The following TMEM131L variants were observed in gnomAD, a reference collection of about 807,000 sequenced individuals.
TMEM131L encodes transmembrane 131 like.
In TMEM131L, 54 loss-of-function variants were observed where a neutral mutation model predicts 192.2. That is an observed-to-expected ratio of 0.28 (90% CI 0.23 to 0.35). TMEM131L has a LOEUF of 0.35. Among genes scored for constraint, TMEM131L ranks in the 10% least tolerant of loss-of-function variants. TMEM131L has a pLI of 1.00. For synonymous variants in TMEM131L, 701 were observed against 704.9 expected, an observed-to-expected ratio of 0.99 and a Z score of 0.09; for missense variants, 1,888 against 1,972.9, an observed-to-expected ratio of 0.96 and a Z score of 0.82.
chr4:153,617,640 G>A (rs1018108239), intron 26 of TMEM131L, among the ~76,000 whole-genome samples: 2 of 152,176 alleles, frequency 1.3e-5, no homozygotes, highest in Non-Finnish European at 2.9e-5. Flanking sequence ...AGAAGTTCTG[G>A]AAATGTAGAG....
rs190249427 is a variant in TMEM131L, at chr4:153,630,666, A to T, written c.4208-2052A>T. ...TTCCATACCAGCCATTTCTAACTGGATAGCTCCTTCCTAGTGATTACTGCC... is the reference window on the plus strand; with the variant it reads ...TTCCATACCAGCCATTTCTAACTGGTTAGCTCCTTCCTAGTGATTACTGCC... On this transcript the variant is annotated intron_variant, in intron 31 of 34. Coordinates refer to ENST00000409959, the MANE Select transcript of TMEM131L (RefSeq NM_001131007.2). Among the ~76,000 whole-genome samples the T allele has an allele frequency of 1.6e-3, 248 of 152,300 alleles. 1 individual carries two copies. Among genetic ancestry groups the T allele is most frequent in the Admixed American group, 4.6e-3 (71 of 15,306 alleles).
chr4:153,466,767 G>T (rs1354069683), intron 1 of TMEM131L, among the ~76,000 whole-genome samples: 1 of 152,162 alleles, frequency 6.6e-6, no homozygotes, highest in Non-Finnish European at 1.5e-5. Flanking sequence ...AGCCGCTCGC[G>T]CCCTGGAGCC....
In TMEM131L at chr4:153,598,659, T is replaced by G; in HGVS notation, c.2193T>G (p.Gly731=). The change falls in exon 21 of 35, where the codon GGT becomes GGG. Residue 731 remains glycine, a synonymous_variant. Coordinates refer to ENST00000409959, the MANE Select transcript of TMEM131L (RefSeq NM_001131007.2). ...GFGARELLKV[G]GRLPGAGGSL... is the part of the protein sequence containing the mutation. ...GAGCAAGAGAGTTATTAAAAGTGGG[T>G]GGAAGACTTCCTGGTGCAGGAGGCT... The G allele has an allele frequency of 6.2e-7, 1 of 1,613,980 alleles. No homozygotes were observed. The highest frequency in any genetic ancestry group is 2.2e-5 in the East Asian group (1 of 44,872).
intron 7 of TMEM131L, 84 bp from the exon 8 acceptor site, chr4:153,580,742 C>T (rs1311354304): frequency 7.8e-6 from 6 of 764,372 alleles, no homozygotes; most frequent in Non-Finnish European, 1.3e-5. Context: ...AGTGTAGTTT[C>T]TGAATACTTG....
At chr4:153,525,860 T>C (rs1735434608) in intron 3 of TMEM131L, among the ~76,000 whole-genome samples, 1 of 150,930 alleles carries the variant, frequency 6.6e-6, no homozygotes, top group Non-Finnish European at 1.5e-5. Flanking sequence ...TTATTTTTTA[T>C]TTTTATTTTT....
intron 19 of TMEM131L, among the ~76,000 whole-genome samples, chr4:153,595,590 A>G (rs540308042): frequency 6.6e-6 from 1 of 152,232 alleles, no homozygotes; most frequent in African/African-American, 2.4e-5. Context: ...CTAAGAAGTG[A>G]TACATTGCAT....
Position 153,598,705 on chromosome 4 carries a change from G to A in TMEM131L, c.2239G>A (p.Glu747Lys), listed in dbSNP as rs748331510. 4 of 1,613,896 alleles carry A rather than the reference G, an allele frequency of 2.5e-6. No homozygotes were observed. The highest frequency in any genetic ancestry group is 2.2e-5 in the East Asian group (1 of 44,874). Reference protein sequence around the residue: ...AGGSLRFKVPESTLMDCRRQL... With the variant: ...AGGSLRFKVPKSTLMDCRRQL... ...AGGCTCACTCCGATTTAAGGTGCCC[G>A]AGTCCACGCTGATGGACTGCCGTAG... The change falls in exon 21 of 35, where the codon GAG (glutamate) becomes AAG (lysine). Residue 747 changes from glutamate (E) to lysine (K), a missense_variant. Glu to Lys is a moderately conservative substitution (Grantham distance 56, BLOSUM62 1). Coordinates refer to ENST00000409959, the MANE Select transcript of TMEM131L (RefSeq NM_001131007.2).
chr4:153,499,779 G>A (rs533162910), intron 3 of TMEM131L, among the ~76,000 whole-genome samples: 4 of 152,234 alleles, frequency 2.6e-5, no homozygotes, highest in Non-Finnish European at 4.4e-5. Flanking sequence ...AGCACTTCAC[G>A]TGATGGGAAG....
chr4:153,470,768 C>T (rs1240108672), intron 2 of TMEM131L, among the ~76,000 whole-genome samples: 3 of 152,224 alleles, frequency 2.0e-5, no homozygotes, highest in Non-Finnish European at 4.4e-5. Flanking sequence ...GTCCACCTGA[C>T]CTGCTCTGTC....
At chr4:153,626,333 C>A (rs1733841796) in intron 30 of TMEM131L, 108 bp downstream of exon 30, 2 of 699,546 alleles carry the variant, frequency 2.9e-6, no homozygotes, top group Admixed American at 3.0e-5. Context: ...AATATGAAAA[C>A]TTTTTAAAGA....
intron 25 of TMEM131L, among the ~76,000 whole-genome samples, chr4:153,605,251 C>T (rs1318056913): frequency 6.6e-6 from 1 of 152,206 alleles, no homozygotes; most frequent in Admixed American, 6.5e-5. Flanking sequence ...TGGGAATTGT[C>T]ATTATCCTTT....
intron 3 of TMEM131L, among the ~76,000 whole-genome samples, chr4:153,543,288 G>A (rs1383538570): frequency 6.6e-6 from 1 of 152,166 alleles, no homozygotes; most frequent in African/African-American, 2.4e-5. Flanking sequence ...TCCAGCTTAA[G>A]TAGCAATGCC....
chr4:153,528,519 G>A (rs1561161621), intron 3 of TMEM131L, among the ~76,000 whole-genome samples: 1 of 152,190 alleles, frequency 6.6e-6, no homozygotes, highest in Non-Finnish European at 1.5e-5. Context: ...AAGAAAAAGT[G>A]TAAGTTCAAA....
In TMEM131L at chr4:153,600,686, G is replaced by A. The variant is rs555507757; in HGVS notation, c.2267-1466G>A. ...ATAAAAACACAGAAAGCATTTTAGT[G>A]TAACTATGTTTTCTACAGAGAAACC... is the stretch of plus-strand genomic sequence containing the variant. On this transcript the variant is annotated intron_variant, in intron 21 of 34. Transcript: ENST00000409959. Among the ~76,000 whole-genome samples the A allele has an allele frequency of 4.6e-5, 7 of 152,348 alleles. No homozygotes were observed. The East Asian group carries it at 1.3e-3, about 29-fold the overall frequency.
At chr4:153,592,800 A>G (rs1022645889) in intron 18 of TMEM131L, among the ~76,000 whole-genome samples, 3 of 152,218 alleles carry the variant, frequency 2.0e-5, no homozygotes, top group African/African-American at 7.2e-5. Context: ...CAGTGTTACT[A>G]TGCGAAGTCC....
chr4:153,622,510 A>G (rs1733504680), intron 28 of TMEM131L, among the ~76,000 whole-genome samples: 1 of 152,192 alleles, frequency 6.6e-6, no homozygotes, highest in South Asian at 2.1e-4. Context: ...CCATTCATGT[A>G]TCAATATTTT....
At chr4:153,524,761 C>T (rs1735356031) in intron 3 of TMEM131L, among the ~76,000 whole-genome samples, 1 of 152,212 alleles carries the variant, frequency 6.6e-6, no homozygotes, top group Non-Finnish European at 1.5e-5. Flanking sequence ...TTACTTCCAA[C>T]ATAAAACTCC....
chr4:153,535,333 A>C (rs1390030320), intron 3 of TMEM131L, among the ~76,000 whole-genome samples: 1 of 152,188 alleles, frequency 6.6e-6, no homozygotes, highest in Non-Finnish European at 1.5e-5. Context: ...TCTTTTCGAC[A>C]TTCCAGAGCA....
chr4:153,488,549 T>A (rs1732530094), intron 3 of TMEM131L, among the ~76,000 whole-genome samples: 1 of 152,130 alleles, frequency 6.6e-6, no homozygotes, highest in African/African-American at 2.4e-5. Flanking sequence ...GAGAAGGGCC[T>A]CCCCAGCCAC....
Sources: allele counts gnomAD v4.1 joint callset (sites outside exome capture counted in the v4.1 genomes callset), GRCh38; gene constraint gnomAD v4.1.1; transcripts MANE v1.5; gene names NCBI Gene and HGNC (gene_info 2026-07-23, HGNC 2026-07-21).